The following RSPH14 variants were observed in gnomAD, a reference collection of about 807,000 sequenced individuals.
The protein encoded by RSPH14 is rhabdoid tumor deletion region gene 1.
RSPH14 carries 20 observed loss-of-function variants against 26.7 expected under a neutral mutation model. The ratio of observed to expected loss-of-function variants is 0.75; its 90% CI spans 0.53 to 1.09. The LOEUF is 1.09. Among genes scored for constraint, RSPH14 ranks in the 50% least tolerant of loss-of-function variants. The pLI, the probability that RSPH14 is intolerant of heterozygous loss-of-function variation, is 0.00. For missense variants in RSPH14, 449 were observed against 457.2 expected (o/e 0.98, Z 0.16); for synonymous variants, 177 against 189.3 (o/e 0.93, Z 0.53).
At chr22:23,142,431 G>A (rs752698785), upstream of RSPH14, among the ~76,000 whole-genome samples, 1 of 152,068 alleles carries the variant, frequency 6.6e-6, no homozygotes, top group East Asian at 1.9e-4. Context: ...CACCCAACCC[G>A]GGTGCAAGTG....
chr22:23,173,622 G>GTTTTTT, the RSPH14 span, among the ~76,000 whole-genome samples: 3 of 112,290 alleles, frequency 2.7e-5, no homozygotes, highest in African/African-American at 7.0e-5. Flanking sequence ...TTTATTTTTG[G>GTTTTTT]TTTTTTGTTT....
At chr22:23,072,055 T>A (rs1410439244) in intron 4 of RSPH14, among the ~76,000 whole-genome samples, 1 of 152,054 alleles carries the variant, frequency 6.6e-6, no homozygotes, top group East Asian at 1.9e-4. Context: ...CCCCATGAGC[T>A]GGGGTGGGCC....
At chr22:23,121,413 C>G (rs1029992872) in intron 4 of RSPH14, among the ~76,000 whole-genome samples, 4 of 152,210 alleles carry the variant, frequency 2.6e-5, no homozygotes, top group Non-Finnish European at 5.9e-5. Context: ...GCAGCATCCT[C>G]CTGGGCACCC....
chr22:23,157,896 C>CCCTGG, the RSPH14 span: 1 of 1,588,404 alleles, frequency 6.3e-7, no homozygotes, highest in Admixed American at 1.7e-5. Flanking sequence ...TGGGGGGCTG[C>CCCTGG]CCTGGCAGTT....
At chr22:23,065,824 G>A (rs1307702811) in intron 4 of RSPH14, among the ~76,000 whole-genome samples, 1 of 152,154 alleles carries the variant, frequency 6.6e-6, no homozygotes, top group East Asian at 1.9e-4. Flanking sequence ...AGGGCCTGCT[G>A]GAGGCTGAGG....
chr22:23,155,098 C>T, the RSPH14 span, among the ~76,000 whole-genome samples: 1 of 152,060 alleles, frequency 6.6e-6, no homozygotes, highest in African/African-American at 2.4e-5. Flanking sequence ...ACACTCTAGC[C>T]TGGGCAATAA....
At position 23,067,068 on chromosome 22, in the gene RSPH14, A is replaced by G. The variant is rs552958932; in HGVS notation, c.422-2935T>C. ...GCCCAGAACAGCAGGGCTCAAATGT[A>G]TGTGTTTGTGGGGAGTCCCCGATCT... On this transcript the variant is annotated intron_variant, in intron 4 of 6. Transcript: ENST00000216036. 9.5e-4 allele frequency among the ~76,000 whole-genome samples: 144 copies of G among 151,990 alleles called. 1 individual carries two copies. The highest frequency in any genetic ancestry group is 1.9e-3 in the Non-Finnish European group (130 of 67,974).
chr22:23,118,735 G>T (rs1290367816), intron 4 of RSPH14, among the ~76,000 whole-genome samples: 1 of 152,212 alleles, frequency 6.6e-6, no homozygotes, highest in African/African-American at 2.4e-5. Context: ...GGACAAGGGG[G>T]TGATGCACTA....
the RSPH14 span, chr22:23,162,866 TATTC>T: frequency 2.5e-6 from 1 of 406,216 alleles, no homozygotes; most frequent in African/African-American, 2.1e-5. Flanking sequence ...CATCTTTTTC[TATTC>T]ATTCCCCCTT....
chr22:23,166,147 TAAAAAAAA>T, the RSPH14 span, among the ~76,000 whole-genome samples: 398 of 59,884 alleles, frequency 6.6e-3, 3 homozygotes, highest in South Asian at 0.021. Flanking sequence ...CTCTGTCTTT[TAAAAAAAA>T]AAAAAAAAAA....
intron 4 of RSPH14, among the ~76,000 whole-genome samples, chr22:23,099,349 C>T (rs2069227998): frequency 6.6e-6 from 1 of 152,226 alleles, no homozygotes; most frequent in South Asian, 2.1e-4. Flanking sequence ...CACCCTCGTC[C>T]GAAGGAATTG....
At chr22:23,096,262 G>A in intron 4 of RSPH14, 1 of 1,613,946 alleles carries the variant, frequency 6.2e-7, no homozygotes, top group East Asian at 2.2e-5. Flanking sequence ...TGGAGAACAA[G>A]TTCACCTTCA....
chr22:23,119,498 T>C (rs2069947905), intron 4 of RSPH14, among the ~76,000 whole-genome samples: 1 of 152,198 alleles, frequency 6.6e-6, no homozygotes, highest in Non-Finnish European at 1.5e-5. Flanking sequence ...ACGATGCAGC[T>C]CCTGCCTCAC....
At chr22:23,176,704 G>T in the RSPH14 span, among the ~76,000 whole-genome samples, 1 of 152,066 alleles carries the variant, frequency 6.6e-6, no homozygotes, top group African/African-American at 2.4e-5. Context: ...GGGGTACCTT[G>T]CTTCTGCCCT....
chr22:23,120,385 G>A (rs2069980854), intron 4 of RSPH14, among the ~76,000 whole-genome samples: 1 of 152,066 alleles, frequency 6.6e-6, no homozygotes, highest in African/African-American at 2.4e-5. Flanking sequence ...TGGTCTATCG[G>A]CCCCTCCCAC....
the RSPH14 span, chr22:23,179,780 T>C: frequency 5.0e-6 from 1 of 198,340 alleles, no homozygotes; most frequent in Non-Finnish European, 1.0e-5. Context: ...CATTGGTTAC[T>C]CAGCCTGGCC....
chr22:23,175,746 G>A, the RSPH14 span, among the ~76,000 whole-genome samples: 5 of 152,218 alleles, frequency 3.3e-5, no homozygotes, highest in Admixed American at 3.3e-4. Context: ...GGCTCCTGGG[G>A]TAGCGCTCAG....
At chr22:23,178,876 A>G in the RSPH14 span, among the ~76,000 whole-genome samples, 470 of 152,328 alleles carry the variant, frequency 3.1e-3, 2 homozygotes, top group Non-Finnish European at 4.9e-3. Context: ...AGTGAAACAA[A>G]ATCTTTGATG....
intron 3 of RSPH14, chr22:23,136,041 T>C (rs2070475295): frequency 5.7e-6 from 2 of 352,046 alleles, no homozygotes; most frequent in Non-Finnish European, 5.1e-6. Flanking sequence ...TTTTGAATCG[T>C]CTGGAAAAAG....
Sources: gnomAD v4.1 joint callset for allele counts (sites outside exome capture counted in the v4.1 genomes callset) on GRCh38, gnomAD v4.1.1 for gene constraint, MANE v1.5 for transcripts, NCBI Gene and HGNC (gene_info 2026-07-23, HGNC 2026-07-21) for gene names.